SASS6: variants seen among roughly 807,000 people sequenced by gnomAD.
SASS6 encodes the protein SAS-6 centriolar assembly protein, also known as spindle assembly abnormal protein 6 homolog.
Under a neutral mutation model 94.9 loss-of-function variants are expected in SASS6, and 59 were observed. The observed-to-expected ratio is 0.62, with a 90% CI of 0.50 to 0.77. The LOEUF (loss-of-function observed/expected upper bound fraction) is 0.77. SASS6 is among the 30% of genes least tolerant of loss of function. SASS6 has a pLI of 0.00. For synonymous variants in SASS6, 264 were observed against 270.0 expected (o/e 0.98, Z 0.22); for missense variants, 698 against 734.1 (o/e 0.95, Z 0.57).
At chr1:100,089,246 C>G (rs953318547) in intron 14 of SASS6, among the ~76,000 whole-genome samples, 1 of 151,966 alleles carries the variant, frequency 6.6e-6, no homozygotes, top group African/African-American at 2.4e-5. Flanking sequence ...ATGAAATAAA[C>G]TAAGTCTCCC....
At chr1:100,091,124 G>A (rs1348904384) in intron 14 of SASS6, among the ~76,000 whole-genome samples, 2 of 152,078 alleles carry the variant, frequency 1.3e-5, no homozygotes, top group African/African-American at 4.8e-5. Flanking sequence ...GACCAACATG[G>A]TGAAACCCCA....
intron 14 of SASS6, among the ~76,000 whole-genome samples, chr1:100,095,098 A>T (rs1369323960): frequency 6.6e-6 from 1 of 152,214 alleles, no homozygotes; most frequent in Non-Finnish European, 1.5e-5. Context: ...CAAACTAGGA[A>T]TAGAATAAAA....
intron 12 of SASS6, 73 bp from the exon 13 acceptor site, chr1:100,105,976 A>C (rs1431601904): frequency 1.0e-6 from 1 of 981,510 alleles, no homozygotes; most frequent in Non-Finnish European, 1.4e-6. Context: ...AAACATTTAA[A>C]AATTATATTA....
At chr1:100,131,206 T>C (rs1275940533) in intron 1 of SASS6, among the ~76,000 whole-genome samples, 1 of 151,708 alleles carries the variant, frequency 6.6e-6, no homozygotes, top group Non-Finnish European at 1.5e-5. Context: ...TTTTTTTTTT[T>C]CAGAGACAGG....
intron 1 of SASS6, among the ~76,000 whole-genome samples, chr1:100,128,016 T>A (rs911906572): frequency 6.6e-6 from 1 of 152,032 alleles, no homozygotes; most frequent in African/African-American, 2.4e-5. Flanking sequence ...GCTTTACAGT[T>A]TATTTTTATT....
intron 8 of SASS6, among the ~76,000 whole-genome samples, chr1:100,108,707 G>T (rs188964785): frequency 6.6e-6 from 1 of 152,124 alleles, no homozygotes; most frequent in Admixed American, 6.5e-5. Context: ...ACAAACTTTA[G>T]TATCAAACAA....
At chr1:100,110,624 G>T in intron 7 of SASS6, 141 bp from the exon 8 acceptor site, 1 of 481,400 alleles carries the variant, frequency 2.1e-6, no homozygotes, top group Non-Finnish European at 3.5e-6. Context: ...TCTTTCTTTA[G>T]ATCCCCATTC....
Position 100,107,477 on chromosome 1 carries a change from G to C in SASS6, c.1223C>G (p.Thr408Ser). The C allele has an allele frequency of 6.2e-7, 1 of 1,604,602 alleles. No individual in the cohort carries two copies. The highest frequency in any genetic ancestry group is 2.2e-5 in the East Asian group (1 of 44,638). ...AGCCAAGAGTTTTTCTTGCTGAATA[G>C]TAACTGTATTCTTCAATTTCAACTT... ...MGKLKLKNTV[T>S]IQQEKLLAEK... Residue 408 changes from threonine to serine, a missense_variant, in exon 11 of 17, where the codon ACT (threonine) becomes AGT (serine). By Grantham distance (58) the Thr-to-Ser change is moderately conservative (BLOSUM62 1). Transcript: ENST00000287482.
chr1:100,090,160 A>C (rs568247960), intron 14 of SASS6, among the ~76,000 whole-genome samples: 2 of 152,286 alleles, frequency 1.3e-5, no homozygotes, highest in Admixed American at 6.5e-5. Context: ...GAAGGCAGGA[A>C]AAACAGAAAA....
chr1:100,129,855 G>C (rs763506815), intron 1 of SASS6, among the ~76,000 whole-genome samples: 9 of 152,184 alleles, frequency 5.9e-5, no homozygotes, highest in Non-Finnish European at 7.3e-5. Flanking sequence ...TTTTCCACCA[G>C]ATGAAGTTCC....
intron 1 of SASS6, among the ~76,000 whole-genome samples, chr1:100,130,689 G>A (rs1341834811): frequency 3.4e-4 from 46 of 135,158 alleles, no homozygotes; most frequent in Non-Finnish European, 3.3e-4. Context: ...ACTCTGTCTA[G>A]AAAAAAAAAA....
rs1374322562 is a variant in SASS6 at position 100,132,912 on chromosome 1, G to C, written c.-98C>G. 8.1e-7 allele frequency: 1 copy of C among 1,237,674 alleles called. No individual in the cohort carries two copies. The highest frequency in any genetic ancestry group is 1.2e-5 in the South Asian group (1 of 81,114). 76.7% of individuals were successfully genotyped at this position (1,237,674 alleles called of 1,614,324 possible). A position where few individuals can be genotyped will look rare whatever the true frequency, so the allele number is the denominator to read the frequency against. On this transcript the variant is annotated 5_prime_UTR_variant, in exon 1 of 17. Transcript: ENST00000287482. ...CGGGTCCTGATAAAGTTTGAGTTTG[G>C]CGCTCGGCTTCTGCGGAGGAGGCGG...
chr1:100,109,491 T>C (rs769289708), intron 8 of SASS6, among the ~76,000 whole-genome samples: 7 of 151,988 alleles, frequency 4.6e-5, no homozygotes, highest in Non-Finnish European at 1.0e-4. Flanking sequence ...TCTGTGGGGC[T>C]TAATACCCAG....
rs769690502 is a variant in SASS6, at chr1:100,125,886, C to T, written c.122G>A (p.Arg41Lys). ...AAAAAAGGACTAAATACCAACCTTT[C>T]TGTGAACTGGATTAGAAACTGATTG... is the stretch of plus-strand genomic sequence containing the variant. ...ELQSVSNPVH[R>K]KDLVIRLTDD... The change falls in exon 2 of 17, where the codon AGA (arginine) becomes AAA (lysine). Residue 41 changes from arginine to lysine, a missense_variant. By Grantham distance (26) the Arg-to-Lys change is conservative. Coordinates refer to ENST00000287482, the MANE Select transcript of SASS6 (RefSeq NM_194292.3). The T allele has an allele frequency of 2.0e-6, 3 of 1,517,874 alleles. No individual in the cohort carries two copies. The highest frequency in any genetic ancestry group is 1.4e-5 in the African/African-American group (1 of 72,232). 94.0% of individuals were successfully genotyped at this position (1,517,874 alleles called of 1,614,324 possible).
chr1:100,125,497 G>T (rs1284317551), intron 2 of SASS6, among the ~76,000 whole-genome samples: 1 of 151,336 alleles, frequency 6.6e-6, no homozygotes, highest in Non-Finnish European at 1.5e-5. Flanking sequence ...TGGCCAACAT[G>T]GTGAAACCCC....
chr1:100,120,777 G>A (rs1427888280), intron 5 of SASS6, among the ~76,000 whole-genome samples: 1 of 152,280 alleles, frequency 6.6e-6, no homozygotes, highest in African/African-American at 2.4e-5. Flanking sequence ...AGGGCCGGGC[G>A]CGGTGGCTCA....
In SASS6 at chr1:100,103,079, T is replaced by C. The variant is rs370540842; in HGVS notation, c.1550A>G (p.Asp517Gly). The C allele has an allele frequency of 4.4e-6, 7 of 1,582,830 alleles. No homozygotes were observed. Among genetic ancestry groups the C allele is most frequent in the Non-Finnish European group, 6.0e-6 (7 of 1,159,534 alleles). ...ACAGGTTGGGTAAGTCAGTCTACCA[T>C]CAACCTAAAAATAAAAACATAAAGA... ...SGISPNLNVV[D>G]GRLTYPTCGI... Residue 517 changes from aspartate (D) to glycine (G), a missense_variant, in exon 14 of 17, where the codon GAT (aspartate) becomes GGT (glycine). By Grantham distance (94) the Asp-to-Gly change is moderately conservative. Coordinates refer to ENST00000287482, the MANE Select transcript of SASS6 (RefSeq NM_194292.3).
intron 14 of SASS6, among the ~76,000 whole-genome samples, chr1:100,093,605 T>C (rs906657999): frequency 1.3e-5 from 2 of 151,502 alleles, no homozygotes; most frequent in African/African-American, 4.9e-5. Flanking sequence ...TACAAAAAAA[T>C]ACGAAAATTA....
At chr1:100,118,979 A>G in intron 7 of SASS6, 39 bp downstream of exon 7, 1 of 1,428,998 alleles carries the variant, frequency 7.0e-7, no homozygotes, top group East Asian at 2.4e-5. Flanking sequence ...GACTAACAGC[A>G]ATAAAAGATA....
Sources: allele counts gnomAD v4.1 joint callset (sites outside exome capture counted in the v4.1 genomes callset), GRCh38; gene constraint gnomAD v4.1.1; transcripts MANE v1.5; gene names NCBI Gene and HGNC (gene_info 2026-07-23, HGNC 2026-07-21).